Variants in PELI2 observed in about 807,000 individuals in gnomAD.
PELI2 encodes pellino E3 ubiquitin protein ligase family member 2.
Under a neutral mutation model 42.3 loss-of-function variants are expected in PELI2, and 23 were observed. That is an observed-to-expected ratio of 0.54 (90% CI 0.39 to 0.77). PELI2 has a LOEUF of 0.77. Among genes scored for constraint, PELI2 ranks in the 30% least tolerant of loss-of-function variants. The probability of loss-of-function intolerance (pLI) is 0.00; values close to 1 mark genes in which losing one functional copy is unlikely to be tolerated. For synonymous variants in PELI2, 245 were observed against 212.2 expected, an observed-to-expected ratio of 1.15 and a Z score of -1.34; for missense variants, 463 against 553.2, an observed-to-expected ratio of 0.84 and a Z score of 1.64.
intron 2 of PELI2, among the ~76,000 whole-genome samples, chr14:56,224,433 C>T (rs1816243218): frequency 6.6e-6 from 1 of 152,110 alleles, no homozygotes; most frequent in Admixed American, 6.5e-5. Context: ...TGTGATTTGC[C>T]CTCTGGTGTC....
At chr14:56,252,374 C>T (rs1888377481) in intron 2 of PELI2, among the ~76,000 whole-genome samples, 1 of 152,204 alleles carries the variant, frequency 6.6e-6, no homozygotes, top group African/African-American at 2.4e-5. Flanking sequence ...TACTGTAACC[C>T]ATTCTGTTAC....
intron 2 of PELI2, among the ~76,000 whole-genome samples, chr14:56,216,238 A>G: frequency 6.6e-6 from 1 of 152,198 alleles, no homozygotes; most frequent in East Asian, 1.9e-4. Context: ...GGCAGAGGCT[A>G]TTCAAGGTCA....
At chr14:56,201,807 A>G (rs536528582) in intron 2 of PELI2, among the ~76,000 whole-genome samples, 8 of 152,322 alleles carry the variant, frequency 5.3e-5, no homozygotes, top group African/African-American at 1.9e-4. Flanking sequence ...CATATTCTTT[A>G]TCTACAAAAG....
In PELI2 at chr14:56,288,701, TTGGAGC is replaced by T; in HGVS notation, c.507+68_507+73del. ...TGTGATTATGATATGGAACATTTAA[TTGGAGC>T]AAAAAAAAATTGGCTTTGTATGTTG... On this transcript the variant is annotated intron_variant, in intron 4 of 5. Coordinates refer to ENST00000267460, the MANE Select transcript of PELI2 (RefSeq NM_021255.3). This position sits in a 1 kb window ranked among gnomAD's most constrained non-coding sequence, Gnocchi z 4.6. The T allele has an allele frequency of 1.6e-6, 2 of 1,221,934 alleles. No individual in the cohort carries two copies. The highest frequency in any genetic ancestry group is 1.1e-6 in the Non-Finnish European group (1 of 908,510). 75.7% of individuals were successfully genotyped at this position (1,221,934 alleles called of 1,614,324 possible).
chr14:56,239,987 C>T (rs1206490137), intron 2 of PELI2, among the ~76,000 whole-genome samples: 3 of 152,166 alleles, frequency 2.0e-5, no homozygotes, highest in African/African-American at 7.2e-5. Context: ...CAGGTTCAAA[C>T]TCAGCCTCCC....
intron 1 of PELI2, among the ~76,000 whole-genome samples, chr14:56,128,117 A>G (rs1883345724): frequency 2.0e-5 from 3 of 152,186 alleles, no homozygotes; most frequent in Admixed American, 6.5e-5. Flanking sequence ...ATTAAGCACT[A>G]TCTAAACATA....
chr14:56,253,250 A>T (rs1888407699), intron 2 of PELI2, among the ~76,000 whole-genome samples: 1 of 152,226 alleles, frequency 6.6e-6, no homozygotes, highest in Non-Finnish European at 1.5e-5. Flanking sequence ...TATCACACTG[A>T]ATGGGCCAAA....
At chr14:56,216,607 G>A (rs977544141) in intron 2 of PELI2, among the ~76,000 whole-genome samples, 8 of 152,228 alleles carry the variant, frequency 5.3e-5, no homozygotes, top group Non-Finnish European at 1.0e-4. Flanking sequence ...TCATACATTT[G>A]ATGATAGTTT....
intron 1 of PELI2, among the ~76,000 whole-genome samples, chr14:56,147,115 G>T (rs186329499): frequency 6.6e-6 from 1 of 152,168 alleles, no homozygotes; most frequent in African/African-American, 2.4e-5. Flanking sequence ...CATCCATGTT[G>T]TAGCATGTAT....
intron 2 of PELI2, among the ~76,000 whole-genome samples, chr14:56,207,753 C>T (rs1002147251): frequency 7.2e-5 from 11 of 152,240 alleles, no homozygotes; most frequent in East Asian, 1.9e-4. Flanking sequence ...TAAAGACAGC[C>T]GAGGCTTTTC....
chr14:56,285,629 A>C (rs774192206), intron 3 of PELI2, among the ~76,000 whole-genome samples: 13 of 152,296 alleles, frequency 8.5e-5, no homozygotes, highest in Admixed American at 2.6e-4. Flanking sequence ...ATGCTGGCTC[A>C]GCATAAGCCC....
intron 1 of PELI2, among the ~76,000 whole-genome samples, chr14:56,162,758 C>A (rs1252992795): frequency 2.0e-5 from 3 of 152,158 alleles, no homozygotes; most frequent in Non-Finnish European, 4.4e-5. Flanking sequence ...TTCTCCATGT[C>A]CTTGCCAGCA....
intron 2 of PELI2, among the ~76,000 whole-genome samples, chr14:56,201,308 T>C (rs180892460): frequency 1.3e-5 from 2 of 152,326 alleles, no homozygotes; most frequent in Middle Eastern, 3.4e-3. Flanking sequence ...AAAGATAAGC[T>C]AGAACCAGTG....
chr14:56,178,526 G>A, intron 2 of PELI2, 62 bp downstream of exon 2: 2 of 1,558,260 alleles, frequency 1.3e-6, no homozygotes, highest in East Asian at 2.2e-5. Context: ...GATACTCCTT[G>A]TCCGCTGCTC....
At chr14:56,225,621 G>A (rs1887321556) in intron 2 of PELI2, among the ~76,000 whole-genome samples, 1 of 152,208 alleles carries the variant, frequency 6.6e-6, no homozygotes, top group African/African-American at 2.4e-5. Flanking sequence ...GTGAGGGAAG[G>A]GGCAGGGGCA....
Position 56,273,627 on chromosome 14 carries a change from C to G in PELI2, c.208-6049C>G, listed in dbSNP as rs560444953. On this transcript the variant is annotated intron_variant, in intron 2 of 5. Transcript: ENST00000267460. The surrounding 1 kb of genome is among the most constrained non-coding windows in gnomAD (Gnocchi z 4.3). ...TTGCCTTAATACAGTGAAATCAGCC[C>G]GGCTTTGACTCCCTATTGGATTAAT... Among the ~76,000 whole-genome samples the G allele has an allele frequency of 6.6e-6, 1 of 152,122 alleles. No individual in the cohort carries two copies. The highest frequency in any genetic ancestry group is 2.1e-4 in the South Asian group (1 of 4,810).
At chr14:56,246,323 G>A (rs2139805230) in intron 2 of PELI2, among the ~76,000 whole-genome samples, 1 of 152,138 alleles carries the variant, frequency 6.6e-6, no homozygotes. Context: ...CCCTTTAACC[G>A]TAACTTTTAT....
intron 2 of PELI2, among the ~76,000 whole-genome samples, chr14:56,229,036 A>G (rs1390658605): frequency 2.0e-5 from 3 of 152,250 alleles, no homozygotes; most frequent in African/African-American, 7.2e-5. Context: ...GCAAGATGGC[A>G]GCAAGGCTCG....
intron 2 of PELI2, among the ~76,000 whole-genome samples, chr14:56,267,146 T>C (rs1404530662): frequency 6.6e-6 from 1 of 152,100 alleles, no homozygotes; most frequent in Non-Finnish European, 1.5e-5. Flanking sequence ...ATTACCTTAT[T>C]TAAAATATCT....
Sources: allele counts gnomAD v4.1 joint callset (sites outside exome capture counted in the v4.1 genomes callset), GRCh38; gene constraint gnomAD v4.1.1; non-coding constraint Gnocchi (gnomAD v3.1); transcripts MANE v1.5; gene names NCBI Gene and HGNC (gene_info 2026-07-23, HGNC 2026-07-21).